Variants in TSC22D1 observed in about 807,000 individuals in gnomAD.
The protein encoded by TSC22D1 is TSC22 domain family protein 1.
TSC22D1 carries 9 observed loss-of-function variants against 74.2 expected under a neutral mutation model. The ratio of observed to expected loss-of-function variants is 0.12; its 90% CI spans 0.07 to 0.21. The LOEUF is 0.21. Among genes scored for constraint, TSC22D1 ranks in the 10% least tolerant of loss-of-function variants. The pLI is 1.00. For missense variants in TSC22D1, 1,427 were observed against 1,304.7 expected (o/e 1.09, Z -1.44); for synonymous variants, 586 against 492.5 (o/e 1.19, Z -2.51).
chr13:44,543,260 A>G (rs1470004717), intron 1 of TSC22D1, among the ~76,000 whole-genome samples: 2 of 152,214 alleles, frequency 1.3e-5, no homozygotes, highest in Non-Finnish European at 2.9e-5. Flanking sequence ...GAGCATACAC[A>G]GCTTATTAGT....
intron 1 of TSC22D1, among the ~76,000 whole-genome samples, chr13:44,445,508 G>T (rs1566115123): frequency 6.6e-6 from 1 of 151,702 alleles, no homozygotes. Context: ...ATCCATGGAA[G>T]AAAAAAAATT....
Position 44,575,860 on chromosome 13 carries a change from G to C in TSC22D1, c.215C>G (p.Ser72Cys), listed in dbSNP as rs758412462. The C allele has an allele frequency of 2.5e-6, 4 of 1,614,070 alleles. No homozygotes were observed. Among genetic ancestry groups the C allele is most frequent in the Non-Finnish European group, 3.4e-6 (4 of 1,179,992 alleles). ...SLLQPPPPAASSTSGPQPPPP... is the reference protein window; with the variant it reads ...SLLQPPPPAACSTSGPQPPPP... ...CGGAGGCTGTGGTCCCGACGTAGAA[G>C]ATGCTGCAGGGGGCGGCGGCTGAAG... The change falls in exon 1 of 3, where the codon TCT (serine) becomes TGT (cysteine). Residue 72 changes from serine (S) to cysteine (C), a missense_variant. Physicochemically the swap from Ser to Cys is moderately radical, Grantham distance 112. Coordinates refer to ENST00000458659, the MANE Select transcript of TSC22D1 (RefSeq NM_183422.4).
intron 1 of TSC22D1, among the ~76,000 whole-genome samples, chr13:44,445,010 T>C (rs1432357490): frequency 6.6e-6 from 1 of 152,130 alleles, no homozygotes; most frequent in Non-Finnish European, 1.5e-5. Context: ...ATATCAATTC[T>C]ATACAAACTC....
chr13:44,534,898 T>C (rs1468856997), intron 1 of TSC22D1, among the ~76,000 whole-genome samples: 1 of 152,180 alleles, frequency 6.6e-6, no homozygotes, highest in Non-Finnish European at 1.5e-5. Flanking sequence ...ATGAAATATA[T>C]ACTCAACTTA....
chr13:44,466,057 C>T (rs1301649474), intron 1 of TSC22D1, among the ~76,000 whole-genome samples: 5 of 152,158 alleles, frequency 3.3e-5, no homozygotes, highest in African/African-American at 1.2e-4. Flanking sequence ...TTTTTCCCAA[C>T]AAAATTTACA....
chr13:44,573,457 C>A lies in TSC22D1; in HGVS notation c.2618G>T (p.Ser873Ile). ...TQNGNLVQSV[S>I]QPPLIATNTN... Reference sequence around the variant, plus strand: ...ATTAGTTGCTATCAAGGGAGGTTGACTAACACTTTGAACCAAATTACCATT... The same window carrying A: ...ATTAGTTGCTATCAAGGGAGGTTGAATAACACTTTGAACCAAATTACCATT... Residue 873 changes from serine to isoleucine, a missense_variant, in exon 1 of 3, where the codon AGT becomes ATT. By Grantham distance (142) the Ser-to-Ile change is moderately radical (BLOSUM62 -2). Transcript: ENST00000458659. 1.2e-6 allele frequency: 2 copies of A among 1,614,224 alleles called. No homozygotes were observed. Among genetic ancestry groups the A allele is most frequent in the Non-Finnish European group, 1.7e-6 (2 of 1,180,052 alleles).
intron 1 of TSC22D1, chr13:44,538,404 C>G: frequency 6.1e-6 from 6 of 985,304 alleles, no homozygotes; most frequent in Non-Finnish European, 7.2e-6. Context: ...TTACTAGTTA[C>G]TTTCAGTGTC....
chr13:44,434,190 C>T lies in TSC22D1; in HGVS notation c.*436G>A, dbSNP rs902875724. On this transcript the variant is annotated 3_prime_UTR_variant, in exon 3 of 3. Coordinates refer to ENST00000458659, the MANE Select transcript of TSC22D1 (RefSeq NM_183422.4). ...AGTCTTTTTACCCTCCTTTCAAGTT[C>T]CTCCTGGGGGGAGGAGAGGAGAGAG... The T allele has an allele frequency of 6.8e-7, 1 of 1,462,168 alleles. No homozygotes were observed. Among genetic ancestry groups the T allele is most frequent in the South Asian group, 1.4e-5 (1 of 70,914 alleles). The allele number at this position is 1,462,168 out of a possible 1,614,324, so 90.6% of individuals were successfully genotyped here.
At chr13:44,556,124 T>C (rs570975599) in intron 1 of TSC22D1, among the ~76,000 whole-genome samples, 1 of 152,190 alleles carries the variant, frequency 6.6e-6, no homozygotes, top group East Asian at 1.9e-4. Context: ...TTTACTATTG[T>C]TAACTATAAT....
intron 1 of TSC22D1, chr13:44,539,525 A>AC: frequency 1.0e-6 from 1 of 985,460 alleles, no homozygotes; most frequent in Non-Finnish European, 1.2e-6. Context: ...CCTGTGGACT[A>AC]CATAGGCATT....
chr13:44,433,933 G>A lies in TSC22D1; in HGVS notation c.*693C>T. 6.7e-7 allele frequency: 1 copy of A among 1,489,920 alleles called. No homozygotes were observed. The highest frequency in any genetic ancestry group is 8.9e-7 in the Non-Finnish European group (1 of 1,120,402). The allele number at this position is 1,489,920 out of a possible 1,614,324, so 92.3% of individuals were successfully genotyped here. On this transcript the variant is annotated 3_prime_UTR_variant, in exon 3 of 3. Coordinates refer to ENST00000458659, the MANE Select transcript of TSC22D1 (RefSeq NM_183422.4). ...TTCAATCTGTACAACCTAAATAGTA[G>A]TTACAGTCCTCTATTGTACAAAATA...
intron 1 of TSC22D1, 54 bp downstream of exon 1, chr13:44,573,109 A>C: frequency 6.3e-7 from 1 of 1,574,810 alleles, no homozygotes; most frequent in Non-Finnish European, 8.6e-7. Context: ...ATAGCTACTA[A>C]ATAGATTAAC....
intron 1 of TSC22D1, chr13:44,536,854 A>T: frequency 1.0e-6 from 1 of 983,684 alleles, no homozygotes; most frequent in Non-Finnish European, 1.2e-6. Flanking sequence ...TACAAAACAG[A>T]TCACCTATTT....
intron 1 of TSC22D1, among the ~76,000 whole-genome samples, chr13:44,498,740 C>G (rs548659905): frequency 6.6e-6 from 1 of 152,196 alleles, no homozygotes; most frequent in Admixed American, 6.5e-5. Flanking sequence ...GATCACTATT[C>G]GTCATTCCCC....
intron 1 of TSC22D1, among the ~76,000 whole-genome samples, chr13:44,569,893 TG>T (rs1379963587): frequency 1.3e-5 from 2 of 152,158 alleles, no homozygotes; most frequent in African/African-American, 2.4e-5. Flanking sequence ...TCCCTGCCCT[TG>T]AGGAACATCT....
chr13:44,547,320 TAATA>T (rs1003518595), intron 1 of TSC22D1, among the ~76,000 whole-genome samples: 1 of 152,136 alleles, frequency 6.6e-6, no homozygotes, highest in African/African-American at 2.4e-5. Context: ...AACCAGATGT[TAATA>T]GTCTTTTTCT....
chr13:44,514,678 G>A (rs1455597070), intron 1 of TSC22D1, among the ~76,000 whole-genome samples: 2 of 152,100 alleles, frequency 1.3e-5, no homozygotes, highest in Non-Finnish European at 2.9e-5. Context: ...TGGCCAACAA[G>A]GTGAAACCAC....
At chr13:44,506,503 A>G (rs1879454558) in intron 1 of TSC22D1, among the ~76,000 whole-genome samples, 1 of 152,202 alleles carries the variant, frequency 6.6e-6, no homozygotes, top group Middle Eastern at 3.2e-3. Flanking sequence ...GAGGGACAGC[A>G]TCAGGAAGAA....
At chr13:44,461,152 A>AT (rs1351410168) in intron 1 of TSC22D1, among the ~76,000 whole-genome samples, 1 of 152,218 alleles carries the variant, frequency 6.6e-6, no homozygotes, top group Non-Finnish European at 1.5e-5. Context: ...ATCTTGCTTA[A>AT]TATTCAACTC....
Sources: gnomAD v4.1 joint callset for allele counts (sites outside exome capture counted in the v4.1 genomes callset) on GRCh38, gnomAD v4.1.1 for gene constraint, MANE v1.5 for transcripts, NCBI Gene and HGNC (gene_info 2026-07-23, HGNC 2026-07-21) for gene names.